Variants in CBL observed in about 807,000 individuals in gnomAD.
The protein encoded by CBL is Cbl proto-oncogene.
Under a neutral mutation model 96.9 loss-of-function variants are expected in CBL, and 45 were observed. That is an observed-to-expected ratio of 0.46 (90% CI 0.37 to 0.60). CBL has a LOEUF of 0.60. Ranked by LOEUF, CBL falls within the 20% of genes least tolerant of loss-of-function variation. The pLI, the probability that CBL is intolerant of heterozygous loss-of-function variation, is 0.00. For missense variants in CBL, 1,024 were observed against 1,143.5 expected (o/e 0.90, Z 1.51); for synonymous variants, 420 against 426.8 (o/e 0.98, Z 0.20).
Position 119,305,922 on chromosome 11 carries a change from A to G in CBL, c.*6141A>G, listed in dbSNP as rs1950136520. The G allele has an allele frequency of 7.6e-6, 2 of 262,166 alleles. No homozygotes were observed. The highest frequency in any genetic ancestry group is 1.1e-4 in the Admixed American group (2 of 18,578). The allele number at this position is 262,166 out of a possible 1,614,324, so 16.2% of individuals were successfully genotyped here. ...CACACAGAAGTTACCTAATAATCCAAAGATGTCCATCAAGGGAGGAAGGGT... is the reference window on the plus strand; with the variant it reads ...CACACAGAAGTTACCTAATAATCCAGAGATGTCCATCAAGGGAGGAAGGGT... On this transcript the variant is annotated 3_prime_UTR_variant, in exon 16 of 16. Coordinates refer to ENST00000264033, the MANE Select transcript of CBL (RefSeq NM_005188.4).
At chr11:119,207,450 C>G (rs916184430) in intron 1 of CBL, among the ~76,000 whole-genome samples, 2 of 152,200 alleles carry the variant, frequency 1.3e-5, no homozygotes, top group Non-Finnish European at 2.9e-5. Context: ...GGTTCTGACT[C>G]CTTATTACAG....
intron 2 of CBL, among the ~76,000 whole-genome samples, chr11:119,243,881 A>G (rs1949605692): frequency 6.6e-6 from 1 of 151,812 alleles, no homozygotes; most frequent in Non-Finnish European, 1.5e-5. Context: ...GGTGTGTACC[A>G]CCATGCCTGG....
intron 2 of CBL, among the ~76,000 whole-genome samples, chr11:119,251,666 A>G (rs1949670599): frequency 6.6e-6 from 1 of 152,234 alleles, no homozygotes; most frequent in Non-Finnish European, 1.5e-5. Context: ...TGAAATTTCT[A>G]ATGGAACATA....
At chr11:119,214,553 GAC>G (rs1292478349) in intron 1 of CBL, among the ~76,000 whole-genome samples, 5 of 152,182 alleles carry the variant, frequency 3.3e-5, no homozygotes, top group African/African-American at 1.2e-4. Context: ...CTGGGCAGTA[GAC>G]ATTCTCTTGA....
intron 4 of CBL, 23 bp downstream of exon 4, chr11:119,274,047 T>C: frequency 6.4e-7 from 1 of 1,566,090 alleles, no homozygotes; most frequent in Non-Finnish European, 8.8e-7. Context: ...AAAAGTTGAC[T>C]AAACTGGTTA....
chr11:119,279,172 C>CT lies in CBL; in HGVS notation c.1431+472dup, dbSNP rs757371706. 3.2e-3 allele frequency among the ~76,000 whole-genome samples: 471 copies of CT among 144,940 alleles called. 1 individual carries two copies. The highest frequency in any genetic ancestry group is 0.029 in the Middle Eastern group (8 of 278). The stretch of plus-strand genomic sequence containing the variant: ...ATGCAACTAGAATAAGTTCTGTTCC[C>CT]TTTTTTTTTTTTTATTTTAATGGAG... On this transcript the variant is annotated intron_variant, in intron 9 of 15. Transcript: ENST00000264033.
Position 119,306,808 on chromosome 11 carries a change from T to TGCTGACACATG in CBL, c.*7028_*7038dup, listed in dbSNP as rs1291415179. On this transcript the variant is annotated 3_prime_UTR_variant, in exon 16 of 16. Coordinates refer to ENST00000264033, the MANE Select transcript of CBL (RefSeq NM_005188.4). The stretch of plus-strand genomic sequence containing the variant: ...GCCTTGAAAGAAAAGCCTGACTTCC[T>TGCTGACACATG]GCTGACACATGTGGTAGGGGCATGG... The TGCTGACACATG allele has an allele frequency of 6.4e-5, 15 of 235,036 alleles. No homozygotes were observed. The highest frequency in any genetic ancestry group is 3.3e-4 in the African/African-American group (15 of 45,428). 14.6% of individuals were successfully genotyped at this position (235,036 alleles called of 1,614,324 possible).
At chr11:119,255,026 G>A (rs890814073) in intron 2 of CBL, among the ~76,000 whole-genome samples, 1 of 152,154 alleles carries the variant, frequency 6.6e-6, no homozygotes, top group Non-Finnish European at 1.5e-5. Context: ...TTGGTGTCCT[G>A]TGGAGTGGCG....
chr11:119,256,066 T>C (rs1181306136), intron 2 of CBL, among the ~76,000 whole-genome samples: 1 of 151,744 alleles, frequency 6.6e-6, no homozygotes, highest in African/African-American at 2.4e-5. Flanking sequence ...TGCCATCTAG[T>C]AGGCATTCAG....
At position 119,287,923 on chromosome 11, in the gene CBL, T is replaced by A. The variant is rs1402468252; in HGVS notation, c.2013T>A (p.Asn671Lys). Residue 671 changes from asparagine (N) to lysine (K), a missense_variant, in exon 12 of 16, where the codon AAT becomes AAA. By Grantham distance (94) the Asn-to-Lys change is moderately conservative. Coordinates refer to ENST00000264033, the MANE Select transcript of CBL (RefSeq NM_005188.4). ...AAATCAAACCTTCCTCATCTGCCAA[T>A]GCCATTTATTCTCTGGCTGCCAGGT... ...HPKIKPSSSA[N>K]AIYSLAARPL... 1 of 1,613,034 alleles carries A rather than the reference T, an allele frequency of 6.2e-7. No individual in the cohort carries two copies.
intron 2 of CBL, among the ~76,000 whole-genome samples, chr11:119,241,633 A>G (rs977612329): frequency 6.6e-6 from 1 of 152,228 alleles, no homozygotes; most frequent in Non-Finnish European, 1.5e-5. Flanking sequence ...TCCTAGCACC[A>G]TGAAAATAGG....
chr11:119,284,775 T>C (rs1450050459), intron 9 of CBL, among the ~76,000 whole-genome samples, 194 bp from the exon 10 acceptor site: 1 of 152,138 alleles, frequency 6.6e-6, no homozygotes, highest in Admixed American at 6.5e-5. Context: ...CCTCTTATGG[T>C]GACACAAAAA....
chr11:119,206,683 C>A, intron 1 of CBL, 71 bp downstream of exon 1: 2 of 1,178,702 alleles, frequency 1.7e-6, no homozygotes, highest in Non-Finnish European at 2.2e-6. Flanking sequence ...GGGGAACGAG[C>A]GGACGGAGGA....
intron 12 of CBL, among the ~76,000 whole-genome samples, chr11:119,295,682 A>T (rs531333072): frequency 6.6e-6 from 1 of 152,304 alleles, no homozygotes; most frequent in East Asian, 1.9e-4. Flanking sequence ...GGTTGTCATC[A>T]TGCCACTGTG....
chr11:119,285,230 A>G lies in CBL; in HGVS notation c.1605A>G (p.Val535=). 1 of 1,613,840 alleles carries G rather than the reference A, an allele frequency of 6.2e-7. No individual in the cohort carries two copies. ...TTCATAAAGACAAACCATTGCCAGT[A>G]CCTCCCACACTTCGAGATCTTCCAC... ...GSLHKDKPLP[V]PPTLRDLPPP... Residue 535 remains valine (V), a synonymous_variant, in exon 11 of 16, where the codon GTA becomes GTG. Coordinates refer to ENST00000264033, the MANE Select transcript of CBL (RefSeq NM_005188.4).
intron 2 of CBL, among the ~76,000 whole-genome samples, chr11:119,241,544 A>C (rs1949586530): frequency 6.6e-6 from 1 of 152,240 alleles, no homozygotes; most frequent in South Asian, 2.1e-4. Flanking sequence ...TTAGTTTCCA[A>C]AGCATAACCT....
chr11:119,220,720 G>C (rs1949401251), intron 1 of CBL, among the ~76,000 whole-genome samples: 1 of 152,222 alleles, frequency 6.6e-6, no homozygotes, highest in South Asian at 2.1e-4. Flanking sequence ...GATTGGTAAT[G>C]AATTATAAGT....
At chr11:119,288,566 T>C (rs1011817439) in intron 12 of CBL, among the ~76,000 whole-genome samples, 1 of 152,154 alleles carries the variant, frequency 6.6e-6, no homozygotes, top group Admixed American at 6.5e-5. Context: ...TCTTATGACT[T>C]CATTCAACCT....
In CBL at chr11:119,246,418, G is replaced by A. The variant is rs193100607; in HGVS notation, c.443+13723G>A. Among the ~76,000 whole-genome samples, 26 of 152,042 alleles carry A rather than the reference G, an allele frequency of 1.7e-4. No individual in the cohort carries two copies. In the East Asian group the frequency reaches 4.6e-3, roughly 27 times the overall value. On this transcript the variant is annotated intron_variant, in intron 2 of 15. Coordinates refer to ENST00000264033, the MANE Select transcript of CBL (RefSeq NM_005188.4). ...AAATATGTAGTTGGAAAGGGGGAGG[G>A]GTATTCATACTTTACCAAAACTGAA...
Sources: gnomAD v4.1 joint callset for allele counts (sites outside exome capture counted in the v4.1 genomes callset) on GRCh38, gnomAD v4.1.1 for gene constraint, MANE v1.5 for transcripts, NCBI Gene and HGNC (gene_info 2026-07-23, HGNC 2026-07-21) for gene names.